The following KPNA5 variants were observed in gnomAD, a reference collection of about 807,000 sequenced individuals.
The protein encoded by KPNA5 is karyopherin subunit alpha 5.
KPNA5 carries 46 observed loss-of-function variants against 71.3 expected under a neutral mutation model. The observed-to-expected ratio is 0.65, with a 90% CI of 0.51 to 0.83. The LOEUF is 0.83. KPNA5 is among the 40% of genes least tolerant of loss of function. KPNA5 has a pLI of 0.00. For missense variants in KPNA5, 547 were observed against 628.3 expected, an observed-to-expected ratio of 0.87 and a Z score of 1.38; for synonymous variants, 207 against 201.4, an observed-to-expected ratio of 1.03 and a Z score of -0.24.
At chr6:116,728,029 C>G (rs1412397052) in intron 12 of KPNA5, among the ~76,000 whole-genome samples, 2 of 151,894 alleles carry the variant, frequency 1.3e-5, no homozygotes, top group Non-Finnish European at 2.9e-5. Flanking sequence ...CTTTTATTGC[C>G]TTCATTTGTA....
intron 1 of KPNA5, among the ~76,000 whole-genome samples, chr6:116,688,363 A>T (rs1371922774): frequency 6.6e-6 from 1 of 152,118 alleles, no homozygotes; most frequent in Non-Finnish European, 1.5e-5. Flanking sequence ...CTCTGGTTGG[A>T]CATGGATATG....
At chr6:116,685,396 A>G (rs1405663319) in intron 1 of KPNA5, among the ~76,000 whole-genome samples, 1 of 152,176 alleles carries the variant, frequency 6.6e-6, no homozygotes, top group Admixed American at 6.5e-5. Context: ...TACTAAGCCT[A>G]GTACCCAATA....
chr6:116,723,578 C>T (rs927329245), intron 9 of KPNA5, among the ~76,000 whole-genome samples: 6 of 152,090 alleles, frequency 3.9e-5, no homozygotes, highest in Admixed American at 1.3e-4. Context: ...TCTCACTATC[C>T]AAACCTGGGA....
At chr6:116,713,065 ATTTTAC>A (rs1778763619) in intron 7 of KPNA5, among the ~76,000 whole-genome samples, 1 of 150,672 alleles carries the variant, frequency 6.6e-6, no homozygotes, top group Non-Finnish European at 1.5e-5. Flanking sequence ...TTTTTTTTGC[ATTTTAC>A]TTTTAAGTCA....
chr6:116,710,387 T>A (rs1425067178), intron 7 of KPNA5, among the ~76,000 whole-genome samples: 1 of 152,156 alleles, frequency 6.6e-6, no homozygotes, highest in East Asian at 1.9e-4. Context: ...AGTGTTCTCT[T>A]TTTTTAAAAA....
chr6:116,738,907 CA>C lies in KPNA5; in HGVS notation c.*6589del, dbSNP rs2114528421. The C allele has an allele frequency of 6.6e-6, 1 of 151,758 alleles. No individual in the cohort carries two copies. The highest frequency in any genetic ancestry group is 1.9e-4 in the East Asian group (1 of 5,146). The allele number at this position is 151,758 out of a possible 1,614,324, so 9.4% of individuals were successfully genotyped here. A position where few individuals can be genotyped will look rare whatever the true frequency, so the allele number is the denominator to read the frequency against. ...CACAGCCAATATCATACTGAATGGG[CA>C]AAAACTGGAAGCATTCCCTTTGAAA... On this transcript the variant is annotated 3_prime_UTR_variant, in exon 14 of 14. Coordinates refer to ENST00000368564, the MANE Select transcript of KPNA5 (RefSeq NM_001366306.2).
At chr6:116,691,924 C>A in intron 2 of KPNA5, 131 bp from the exon 3 acceptor site, 2 of 684,170 alleles carry the variant, frequency 2.9e-6, no homozygotes, top group South Asian at 1.7e-5. Flanking sequence ...GGGAAATACT[C>A]AAATATTCAG....
At chr6:116,700,410 T>C (rs1267342027) in intron 5 of KPNA5, among the ~76,000 whole-genome samples, 1 of 152,114 alleles carries the variant, frequency 6.6e-6, no homozygotes, top group Non-Finnish European at 1.5e-5. Context: ...TTTGAAGTTA[T>C]AGTGAGCTGT....
intron 7 of KPNA5, among the ~76,000 whole-genome samples, chr6:116,706,960 C>T (rs555654831): frequency 1.5e-4 from 23 of 152,014 alleles, no homozygotes; most frequent in Admixed American, 8.5e-4. Context: ...GTCAGGAGAT[C>T]GAGACCATCC....
intron 6 of KPNA5, among the ~76,000 whole-genome samples, chr6:116,703,484 A>C (rs1778308283): frequency 6.6e-6 from 1 of 152,050 alleles, no homozygotes; most frequent in Admixed American, 6.5e-5. Flanking sequence ...GCTGGTTTCG[A>C]ACTCCTGACT....
chr6:116,722,406 A>C, intron 9 of KPNA5, 117 bp downstream of exon 9: 1 of 836,902 alleles, frequency 1.2e-6, no homozygotes, highest in East Asian at 2.9e-5. Context: ...TTAAAAAGCT[A>C]CTGACCCAAC....
At chr6:116,714,060 A>G (rs1244922626) in intron 7 of KPNA5, among the ~76,000 whole-genome samples, 1 of 152,102 alleles carries the variant, frequency 6.6e-6, no homozygotes, top group African/African-American at 2.4e-5. Flanking sequence ...AATTTCTTTT[A>G]ATTTATATAT....
At chr6:116,718,807 GC>G (rs1375931413) in intron 8 of KPNA5, among the ~76,000 whole-genome samples, 2 of 146,070 alleles carry the variant, frequency 1.4e-5, no homozygotes, top group African/African-American at 2.5e-5. Context: ...TCACTCTGTC[GC>G]CCAGGCTGGA....
chr6:116,683,640 C>T (rs1270952172), intron 1 of KPNA5, among the ~76,000 whole-genome samples: 2 of 151,784 alleles, frequency 1.3e-5, no homozygotes, highest in East Asian at 3.9e-4. Context: ...AGTGCAGTGG[C>T]ATGATCTTGG....
intron 8 of KPNA5, among the ~76,000 whole-genome samples, chr6:116,721,298 A>G (rs1779095256): frequency 1.3e-5 from 2 of 152,194 alleles, no homozygotes; most frequent in Non-Finnish European, 2.9e-5. Flanking sequence ...TGTGAGATAC[A>G]TAACATATAA....
At chr6:116,686,891 G>T (rs1419546969) in intron 1 of KPNA5, among the ~76,000 whole-genome samples, 1 of 152,040 alleles carries the variant, frequency 6.6e-6, no homozygotes, top group Non-Finnish European at 1.5e-5. Flanking sequence ...TGGTCTATGT[G>T]TCTGTTTTTG....
At chr6:116,707,940 C>G (rs11755025) in intron 7 of KPNA5, among the ~76,000 whole-genome samples, 8,886 of 152,272 alleles carry the variant, frequency 0.058, 360 homozygotes, top group South Asian at 0.15. Flanking sequence ...CACCTTGTGC[C>G]TTGGAAACTA....
rs1188590470 is a variant in KPNA5 at position 116,736,389 on chromosome 6, A to C, written c.*4066A>C. On this transcript the variant is annotated 3_prime_UTR_variant, in exon 14 of 14. Transcript: ENST00000368564. ...GGAAATGGGAGGTGACTGGGTACAA[A>C]GTTTCTTCTTTGAGCAATAAAAATA... 6.6e-6 allele frequency: 1 copy of C among 151,924 alleles called. No homozygotes were observed. The highest frequency in any genetic ancestry group is 2.4e-5 in the African/African-American group (1 of 41,426). The allele number at this position is 151,924 out of a possible 1,614,324, so 9.4% of individuals were successfully genotyped here.
rs574404154 is a variant in KPNA5 at position 116,728,415 on chromosome 6, T to C, written c.1254-1148T>C. Among the ~76,000 whole-genome samples, 3 of 152,294 alleles carry C rather than the reference T, an allele frequency of 2.0e-5. No individual in the cohort carries two copies. In the East Asian group the frequency reaches 5.8e-4, roughly 29 times the overall value. On this transcript the variant is annotated intron_variant, in intron 12 of 13. Transcript: ENST00000368564. ...TTTGCATATTTGGGAAAAGACCTCT[T>C]GATCTCAGATTAAGTTATGCATCCA...
Sources: allele counts gnomAD v4.1 joint callset (sites outside exome capture counted in the v4.1 genomes callset), GRCh38; gene constraint gnomAD v4.1.1; transcripts MANE v1.5; gene names NCBI Gene and HGNC (gene_info 2026-07-23, HGNC 2026-07-21).